GLI2: variants seen among roughly 807,000 people sequenced by gnomAD.
The protein encoded by GLI2 is transcription activator GLI2.
A neutral mutation model predicts 78.9 loss-of-function variants in GLI2; 22 were observed. The ratio of observed to expected loss-of-function variants is 0.28; its 90% CI spans 0.20 to 0.40. The LOEUF (loss-of-function observed/expected upper bound fraction) is 0.40. GLI2 is among the 10% of genes least tolerant of loss of function. GLI2 has a pLI of 1.00. For synonymous variants in GLI2, 974 were observed against 963.7 expected, an observed-to-expected ratio of 1.01 and a Z score of -0.20; for missense variants, 2,097 against 2,213.2, an observed-to-expected ratio of 0.95 and a Z score of 1.05.
At chr2:120,885,803 A>G (rs1316312082) in intron 2 of GLI2, among the ~76,000 whole-genome samples, 2 of 152,142 alleles carry the variant, frequency 1.3e-5, no homozygotes, top group African/African-American at 4.8e-5. Flanking sequence ...ATCTGCTAGC[A>G]CCAAACTCCC....
At chr2:120,828,631 A>G (rs1479677873) in intron 2 of GLI2, among the ~76,000 whole-genome samples, 2 of 152,204 alleles carry the variant, frequency 1.3e-5, no homozygotes, top group Non-Finnish European at 2.9e-5. Context: ...TTTCTCCTCC[A>G]GTTCAGTGCC....
intron 1 of GLI2, among the ~76,000 whole-genome samples, chr2:120,794,065 G>A (rs892828919): frequency 1.3e-5 from 2 of 152,218 alleles, no homozygotes; most frequent in Middle Eastern, 3.2e-3. Context: ...CTTGAGCTGG[G>A]CCTGGCTGTG....
In GLI2 at chr2:120,970,461, G is replaced by A; in HGVS notation, c.914G>A (p.Gly305Asp). ...AYQQILSQQR[G>D]LGSAFGHTPP... ...CAGCAGATTCTGAGCCAGCAGAGGGGTCTGGGGTCAGCCTTTGGACACACA... is the reference window on the plus strand; with the variant it reads ...CAGCAGATTCTGAGCCAGCAGAGGGATCTGGGGTCAGCCTTTGGACACACA... The change falls in exon 7 of 14, where the codon GGT (glycine) becomes GAT (aspartate). Residue 305 changes from glycine (G) to aspartate (D), a missense_variant. Gly to Asp is a moderately conservative substitution (Grantham distance 94). Coordinates refer to ENST00000361492, the MANE Select transcript of GLI2 (RefSeq NM_001374353.1). The A allele has an allele frequency of 6.2e-7, 1 of 1,613,974 alleles. No individual in the cohort carries two copies. Among genetic ancestry groups the A allele is most frequent in the Non-Finnish European group, 8.5e-7 (1 of 1,179,934 alleles).
At chr2:120,866,804 A>C (rs1335578874) in intron 2 of GLI2, 1 of 152,228 alleles carries the variant, frequency 6.6e-6, no homozygotes, top group South Asian at 2.1e-4. Context: ...GCGGAAGGGA[A>C]AAGAGGGTGG....
intron 1 of GLI2, among the ~76,000 whole-genome samples, chr2:120,754,750 C>T (rs1483323217): frequency 2.0e-5 from 3 of 152,042 alleles, no homozygotes; most frequent in Non-Finnish European, 2.9e-5. Context: ...TCATTGTATG[C>T]GCATGTGCTT....
rs1009440870 is a variant in GLI2 at position 120,862,777 on chromosome 2, T to A, written c.149-64584T>A. 7.2e-5 allele frequency among the ~76,000 whole-genome samples: 11 copies of A among 152,344 alleles called. No homozygotes were observed. In the East Asian group the frequency reaches 2.1e-3, roughly 29 times the overall value. ...TGTGGGGTTAGCAATACAGCCAAAG[T>A]GGAAGGCTGGCCCCGGCTCAGAGCG... On this transcript the variant is annotated intron_variant, in intron 2 of 13. Transcript: ENST00000361492.
At chr2:120,931,995 C>T (rs1679965189) in intron 3 of GLI2, among the ~76,000 whole-genome samples, 1 of 152,058 alleles carries the variant, frequency 6.6e-6, no homozygotes, top group Admixed American at 6.5e-5. Flanking sequence ...CAGCAAGAGC[C>T]TCGGGGCTGG....
rs373321851 is a variant in GLI2 at position 120,783,952 on chromosome 2, C to T, written c.-30-13339C>T. Among the ~76,000 whole-genome samples the T allele has an allele frequency of 2.0e-4, 31 of 152,312 alleles. No individual in the cohort carries two copies. The East Asian group carries it at 4.2e-3, about 21-fold the overall frequency. On this transcript the variant is annotated intron_variant, in intron 1 of 13. Coordinates refer to ENST00000361492, the MANE Select transcript of GLI2 (RefSeq NM_001374353.1). ...TTTAGCCAATGAGATCTGACTGGCA[C>T]CTTCCAAGATACCAGCGACGAGCTA...
intron 2 of GLI2, among the ~76,000 whole-genome samples, chr2:120,873,793 G>A (rs1398049418): frequency 6.6e-6 from 1 of 152,188 alleles, no homozygotes; most frequent in Non-Finnish European, 1.5e-5. Context: ...GAGCATCTGA[G>A]CTCTCCTCTC....
intron 6 of GLI2, among the ~76,000 whole-genome samples, chr2:120,969,285 G>A (rs963045110): frequency 2.0e-5 from 3 of 152,230 alleles, no homozygotes; most frequent in Admixed American, 1.3e-4. Context: ...CTCTCAGCAA[G>A]CCTCTGGGCT....
At position 120,778,689 on chromosome 2, in the gene GLI2, G is replaced by T. The variant is rs564666081; in HGVS notation, c.-30-18602G>T. The stretch of plus-strand genomic sequence containing the variant: ...GGCTGGGGGCCAGTCCAGGTAGGCA[G>T]GGCACAGAGACCTTCCACATGGCCA... On this transcript the variant is annotated intron_variant, in intron 1 of 13. Coordinates refer to ENST00000361492, the MANE Select transcript of GLI2 (RefSeq NM_001374353.1). Among the ~76,000 whole-genome samples, 15 of 152,346 alleles carry T rather than the reference G, an allele frequency of 9.8e-5. No homozygotes were observed. In the East Asian group the frequency reaches 2.7e-3, roughly 27 times the overall value.
chr2:120,760,170 C>T (rs976942364), intron 1 of GLI2, among the ~76,000 whole-genome samples: 61 of 152,230 alleles, frequency 4.0e-4, no homozygotes, highest in African/African-American at 1.2e-3. Context: ...CCCTGGCCCC[C>T]GTGGGCCTCA....
intron 1 of GLI2, among the ~76,000 whole-genome samples, chr2:120,781,473 C>T (rs1443202881): frequency 6.6e-6 from 1 of 152,236 alleles, no homozygotes; most frequent in Non-Finnish European, 1.5e-5. Flanking sequence ...ATTTTTCCTA[C>T]CCTCTTTCGC....
intron 2 of GLI2, among the ~76,000 whole-genome samples, chr2:120,889,197 T>C (rs974745907): frequency 1.3e-5 from 2 of 152,252 alleles, no homozygotes; most frequent in Non-Finnish European, 2.9e-5. Flanking sequence ...GCTGGAAGTC[T>C]GTGGGTGATG....
chr2:120,832,714 GGCTGGAAGGTA>G (rs1686422845), intron 2 of GLI2, among the ~76,000 whole-genome samples: 1 of 152,098 alleles, frequency 6.6e-6, no homozygotes, highest in Non-Finnish European at 1.5e-5. Context: ...GACAAACCTG[GGCTGGAAGGTA>G]GCTCTTTCCC....
intron 1 of GLI2, among the ~76,000 whole-genome samples, chr2:120,766,330 G>A (rs909916466): frequency 9.9e-5 from 15 of 152,030 alleles, no homozygotes; most frequent in African/African-American, 3.4e-4. Flanking sequence ...GCCCCATAAT[G>A]TGCCCATCCA....
At chr2:120,941,892 A>T (rs1680465117) in intron 3 of GLI2, among the ~76,000 whole-genome samples, 1 of 152,162 alleles carries the variant, frequency 6.6e-6, no homozygotes, top group East Asian at 1.9e-4. Context: ...AGTGACCATG[A>T]AATCCAGGCG....
intron 1 of GLI2, among the ~76,000 whole-genome samples, chr2:120,781,246 G>A (rs2104670539): frequency 6.6e-6 from 1 of 152,292 alleles, no homozygotes; most frequent in Non-Finnish European, 1.5e-5. Flanking sequence ...TGAGTGCGGG[G>A]GGATGAGGAG....
At chr2:120,760,485 T>G (rs1412051411) in intron 1 of GLI2, among the ~76,000 whole-genome samples, 2 of 152,148 alleles carry the variant, frequency 1.3e-5, no homozygotes, top group Non-Finnish European at 2.9e-5. Flanking sequence ...GAGGTTGTGT[T>G]AGGAGATTTG....
Sources: allele counts gnomAD v4.1 joint callset (sites outside exome capture counted in the v4.1 genomes callset), GRCh38; gene constraint gnomAD v4.1.1; transcripts MANE v1.5; gene names NCBI Gene and HGNC (gene_info 2026-07-23, HGNC 2026-07-21).